SPTBN1: variants seen among roughly 807,000 people sequenced by gnomAD.
SPTBN1 encodes the protein spectrin beta chain, non-erythrocytic 1.
Under a neutral mutation model 266.4 loss-of-function variants are expected in SPTBN1, and 32 were observed. The observed-to-expected ratio is 0.12, with a 90% CI of 0.09 to 0.16. The LOEUF (loss-of-function observed/expected upper bound fraction) is 0.16, where lower values mean the gene tolerates loss of function less well. SPTBN1 is among the 10% of genes least tolerant of loss of function. The pLI, the probability that SPTBN1 is intolerant of heterozygous loss-of-function variation, is 1.00. For synonymous variants in SPTBN1, 1,336 were observed against 1,162.2 expected (o/e 1.15, Z -3.04); for missense variants, 2,296 against 3,067.1 (o/e 0.75, Z 5.94).
At chr2:54,506,778 A>G (rs936868855) in intron 1 of SPTBN1, among the ~76,000 whole-genome samples, 12 of 152,180 alleles carry the variant, frequency 7.9e-5, no homozygotes, top group African/African-American at 2.9e-4. Context: ...AGTGCGTGCT[A>G]TGAAAAAACA....
Position 54,664,330 on chromosome 2 carries a change from T to C in SPTBN1, c.6421-123T>C. On this transcript the variant is annotated intron_variant, in intron 32 of 35. Transcript: ENST00000356805. This position sits in a 1 kb window ranked among gnomAD's most constrained non-coding sequence, Gnocchi z 5.6. Reference sequence around the variant, plus strand: ...TGGCTTTGTGGGTGTGCAATGGTTTTACTGTACTGCCTCGATCTGTGCCAG... The same window carrying C: ...TGGCTTTGTGGGTGTGCAATGGTTTCACTGTACTGCCTCGATCTGTGCCAG... The C allele has an allele frequency of 1.0e-5, 10 of 1,004,814 alleles. No homozygotes were observed. Among genetic ancestry groups the C allele is most frequent in the Non-Finnish European group, 1.5e-5 (10 of 674,244 alleles). 62.2% of individuals were successfully genotyped at this position (1,004,814 alleles called of 1,614,324 possible).
chr2:54,665,563 A>G (rs1406268471), intron 33 of SPTBN1, among the ~76,000 whole-genome samples: 4 of 152,234 alleles, frequency 2.6e-5, no homozygotes, highest in Admixed American at 6.5e-5. Context: ...AGACAGGAGC[A>G]TGGCCTTTAG....
intron 1 of SPTBN1, among the ~76,000 whole-genome samples, chr2:54,478,712 C>T (rs1295146528): frequency 1.3e-5 from 2 of 152,156 alleles, no homozygotes; most frequent in Non-Finnish European, 2.9e-5. Context: ...ATTGGAACCA[C>T]TTGGGATGCA....
chr2:54,652,889 C>G (rs1357943848), intron 26 of SPTBN1: 1 of 151,322 alleles, frequency 6.6e-6, no homozygotes, highest in African/African-American at 2.4e-5. Context: ...TTCTTTCTTT[C>G]TTTCTTTCTT....
At chr2:54,618,419 G>T (rs1677774516) in intron 7 of SPTBN1, among the ~76,000 whole-genome samples, 1 of 152,218 alleles carries the variant, frequency 6.6e-6, no homozygotes, top group African/African-American at 2.4e-5. Flanking sequence ...TGTGCGGGCA[G>T]AGCTACTAGC....
chr2:54,457,291 C>T lies in SPTBN1; in HGVS notation c.-48+773C>T, dbSNP rs75887602. The T allele has an allele frequency of 0.011, 1,673 of 152,274 alleles. 66 individuals carry two copies. In the East Asian group the frequency reaches 0.12, roughly 11 times the overall value. The allele number at this position is 152,274 out of a possible 1,614,324, so 9.4% of individuals were successfully genotyped here. ...ACAGGTTTGTCTCAGCGCAGGGACC[C>T]TCCGGGCCTGCTTTGGGTAGGTGGG... On this transcript the variant is annotated intron_variant, in intron 1 of 35. Transcript: ENST00000356805.
chr2:54,661,889 T>C (rs969287689), intron 32 of SPTBN1: 1 of 985,388 alleles, frequency 1.0e-6, no homozygotes, highest in Non-Finnish European at 1.2e-6. Context: ...TCATGCCTAT[T>C]TTTATCTAGA....
rs1486875590 is a variant in SPTBN1, at chr2:54,507,746, C to G, written c.-47-18626C>G. On this transcript the variant is annotated intron_variant, in intron 1 of 35. Transcript: ENST00000356805. ...AGTTTTTTTTAATGTTGTCATATAC[C>G]AGGCCAGATTGATTTAGGTAAAAAT... Among the ~76,000 whole-genome samples the G allele has an allele frequency of 4.0e-5, 6 of 150,206 alleles. No homozygotes were observed. The East Asian group carries it at 1.2e-3, about 29-fold the overall frequency.
intron 2 of SPTBN1, among the ~76,000 whole-genome samples, chr2:54,574,687 C>G (rs1423522920): frequency 1.3e-5 from 2 of 152,134 alleles, no homozygotes; most frequent in Admixed American, 6.5e-5. Context: ...AATCAGTGAT[C>G]CCATGAGAGC....
At chr2:54,472,976 A>C (rs1694003619) in intron 1 of SPTBN1, among the ~76,000 whole-genome samples, 1 of 152,244 alleles carries the variant, frequency 6.6e-6, no homozygotes, top group Non-Finnish European at 1.5e-5. Context: ...CAGATATGTT[A>C]ATTATCCCAT....
intron 2 of SPTBN1, among the ~76,000 whole-genome samples, chr2:54,570,167 A>G (rs1015141274): frequency 1.3e-5 from 2 of 152,168 alleles, no homozygotes; most frequent in African/African-American, 2.4e-5. Context: ...AGCCAGACTC[A>G]TATTAACTGC....
intron 1 of SPTBN1, among the ~76,000 whole-genome samples, chr2:54,482,846 C>T (rs985078679): frequency 6.6e-6 from 1 of 152,232 alleles, no homozygotes; most frequent in African/African-American, 2.4e-5. Context: ...AGTAATCCCA[C>T]AGGACTTGGC....
In SPTBN1 at chr2:54,529,842, C is replaced by T. The variant is rs1671097461; in HGVS notation, c.148+3276C>T. ...TCTGGCTAATTCTAAATATACATAT[C>T]TCTTTTCACCAAAAAAAAAAAAAAA... On this transcript the variant is annotated intron_variant, in intron 2 of 35. Transcript: ENST00000356805. 3.2e-5 allele frequency: 5 copies of T among 155,884 alleles called. No individual in the cohort carries two copies. The South Asian group carries it at 4.8e-4, about 15-fold the overall frequency. The allele number at this position is 155,884 out of a possible 1,614,324, so 9.7% of individuals were successfully genotyped here.
intron 3 of SPTBN1, among the ~76,000 whole-genome samples, chr2:54,608,151 T>G (rs1676973016): frequency 6.6e-6 from 1 of 152,158 alleles, no homozygotes; most frequent in African/African-American, 2.4e-5. Flanking sequence ...TGGCATTCAG[T>G]TCACTGTGCA....
chr2:54,643,726 G>A (rs541380120), intron 19 of SPTBN1, among the ~76,000 whole-genome samples: 1 of 152,218 alleles, frequency 6.6e-6, no homozygotes, highest in South Asian at 2.1e-4. Context: ...GCTCATGCCT[G>A]TAATCCCAGC....
chr2:54,553,705 T>G (rs1392345146), intron 2 of SPTBN1, among the ~76,000 whole-genome samples: 1 of 152,174 alleles, frequency 6.6e-6, no homozygotes, highest in East Asian at 1.9e-4. Flanking sequence ...TCGGATTGGT[T>G]TTTCAAATCC....
intron 2 of SPTBN1, among the ~76,000 whole-genome samples, chr2:54,587,076 C>A (rs563898493): frequency 6.6e-6 from 1 of 152,290 alleles, no homozygotes; most frequent in Admixed American, 6.5e-5. Context: ...GACTAGCTTA[C>A]ACGCCCCGTA....
At chr2:54,576,141 G>A (rs138608238) in intron 2 of SPTBN1, among the ~76,000 whole-genome samples, 5,545 of 140,246 alleles carry the variant, frequency 0.04, 140 homozygotes, top group Admixed American at 0.097. Flanking sequence ...TGCAACCTCT[G>A]CCTCCTGGGT....
At chr2:54,487,389 C>G (rs1231684275) in intron 1 of SPTBN1, among the ~76,000 whole-genome samples, 1 of 114,200 alleles carries the variant, frequency 8.8e-6, no homozygotes, top group African/African-American at 4.4e-5. Flanking sequence ...TTTGCATTTA[C>G]TATATGCATG....
Sources: gnomAD v4.1 joint callset for allele counts (sites outside exome capture counted in the v4.1 genomes callset) on GRCh38, gnomAD v4.1.1 for gene constraint, Gnocchi (gnomAD v3.1) non-coding constraint, MANE v1.5 for transcripts, NCBI Gene and HGNC (gene_info 2026-07-23, HGNC 2026-07-21) for gene names.